SLC1A2: variants seen among roughly 807,000 people sequenced by gnomAD.
SLC1A2 encodes the protein solute carrier family 1 member 2.
Under a neutral mutation model 48.8 loss-of-function variants are expected in SLC1A2, and 15 were observed. That is an observed-to-expected ratio of 0.31 (90% CI 0.21 to 0.47). The LOEUF (loss-of-function observed/expected upper bound fraction) is 0.47, where lower values mean the gene tolerates loss of function less well. SLC1A2 is among the 20% of genes least tolerant of loss of function. The probability of loss-of-function intolerance (pLI) is 0.99; values close to 1 mark genes in which losing one functional copy is unlikely to be tolerated. For synonymous variants in SLC1A2, 279 were observed against 272.6 expected (o/e 1.02, Z -0.23); for missense variants, 502 against 730.5 (o/e 0.69, Z 3.61).
chr11:35,263,206 C>A (rs1187568755), intron 10 of SLC1A2, among the ~76,000 whole-genome samples: 1 of 152,204 alleles, frequency 6.6e-6, no homozygotes, highest in Non-Finnish European at 1.5e-5. Context: ...TGGCTCACGC[C>A]TGTAATCCCA....
chr11:35,328,069 C>T (rs529992735), intron 1 of SLC1A2, among the ~76,000 whole-genome samples: 5 of 152,302 alleles, frequency 3.3e-5, no homozygotes, highest in South Asian at 2.1e-4. Context: ...GCAAAGTGAG[C>T]TCTGGGGAGC....
At chr11:35,273,109 A>G (rs1850330828) in intron 9 of SLC1A2, among the ~76,000 whole-genome samples, 1 of 152,196 alleles carries the variant, frequency 6.6e-6, no homozygotes, top group African/African-American at 2.4e-5. Flanking sequence ...CCATATAAAA[A>G]GGTCAAATAT....
intron 1 of SLC1A2, among the ~76,000 whole-genome samples, chr11:35,342,767 G>A (rs959578447): frequency 2.7e-5 from 4 of 150,924 alleles, no homozygotes; most frequent in South Asian, 2.1e-4. Flanking sequence ...GCCTGGGCGC[G>A]ACAGAGTGAG....
At chr11:35,337,521 T>C (rs1311676929) in intron 1 of SLC1A2, among the ~76,000 whole-genome samples, 3 of 152,108 alleles carry the variant, frequency 2.0e-5, no homozygotes, top group Admixed American at 1.3e-4. Flanking sequence ...ATCACCACAC[T>C]ACTCAGTATG....
intron 2 of SLC1A2, chr11:35,315,722 G>A (rs1851852258): frequency 6.6e-6 from 1 of 151,104 alleles, no homozygotes. Context: ...TTGAACCCAG[G>A]AGGCAGAGGT....
At chr11:35,322,916 T>C (rs780479416) in intron 1 of SLC1A2, 13 of 613,826 alleles carry the variant, frequency 2.1e-5, no homozygotes, top group Non-Finnish European at 3.5e-5. Context: ...TCCAACAGCC[T>C]GCAAATCCCT....
At chr11:35,263,904 C>T (rs1270390561) in intron 10 of SLC1A2, 1 of 152,138 alleles carries the variant, frequency 6.6e-6, no homozygotes, top group African/African-American at 2.4e-5. Flanking sequence ...TTACAAGGCA[C>T]ACAATAAGTA....
intron 1 of SLC1A2, among the ~76,000 whole-genome samples, chr11:35,374,849 T>C (rs1016003963): frequency 3.3e-5 from 5 of 152,200 alleles, no homozygotes; most frequent in African/African-American, 1.2e-4. Context: ...GATATATCTA[T>C]ATATATAAAT....
At chr11:35,410,429 C>T (rs564850817) in intron 1 of SLC1A2, among the ~76,000 whole-genome samples, 16 of 152,286 alleles carry the variant, frequency 1.1e-4, no homozygotes, top group African/African-American at 3.6e-4. Flanking sequence ...CAAGGTATAG[C>T]ATTTTATTAC....
chr11:35,416,064 C>A (rs922861611), intron 1 of SLC1A2, among the ~76,000 whole-genome samples: 1 of 152,154 alleles, frequency 6.6e-6, no homozygotes, highest in African/African-American at 2.4e-5. Context: ...AGGAAAATAC[C>A]TCTCAGAGCC....
intron 1 of SLC1A2, among the ~76,000 whole-genome samples, chr11:35,400,915 T>C (rs575522122): frequency 2.6e-5 from 4 of 152,298 alleles, no homozygotes; most frequent in African/African-American, 7.2e-5. Context: ...ACTTTATACA[T>C]TTTGGGGAGA....
chr11:35,308,448 C>T (rs865813137), intron 4 of SLC1A2, among the ~76,000 whole-genome samples: 4 of 152,250 alleles, frequency 2.6e-5, no homozygotes, highest in Middle Eastern at 3.4e-3. Context: ...TGTGCTGCTA[C>T]GACAGAATAC....
chr11:35,376,666 T>C (rs1406559823), intron 1 of SLC1A2, among the ~76,000 whole-genome samples: 1 of 152,242 alleles, frequency 6.6e-6, no homozygotes, highest in Non-Finnish European at 1.5e-5. Flanking sequence ...TGTGAATAAT[T>C]ACTCATCTTG....
intron 1 of SLC1A2, among the ~76,000 whole-genome samples, chr11:35,366,386 C>CT (rs1853850781): frequency 6.6e-6 from 1 of 152,200 alleles, no homozygotes; most frequent in Admixed American, 6.5e-5. Context: ...AGGCTACTCT[C>CT]TGTGTGTACA....
intron 8 of SLC1A2, among the ~76,000 whole-genome samples, chr11:35,284,018 C>T (rs2134701747): frequency 6.7e-6 from 1 of 148,710 alleles, no homozygotes; most frequent in South Asian, 2.1e-4. Flanking sequence ...TTATTGTTCC[C>T]ATTACGCAGA....
At chr11:35,356,592 A>G (rs1853475987) in intron 1 of SLC1A2, among the ~76,000 whole-genome samples, 1 of 152,250 alleles carries the variant, frequency 6.6e-6, no homozygotes, top group Non-Finnish European at 1.5e-5. Context: ...CTGGGGCAGC[A>G]AAATTCAAGG....
At chr11:35,263,583 G>T (rs1324263436) in intron 10 of SLC1A2, among the ~76,000 whole-genome samples, 1 of 152,124 alleles carries the variant, frequency 6.6e-6, no homozygotes, top group Non-Finnish European at 1.5e-5. Flanking sequence ...TTTTCAAAAA[G>T]TGTCCTACAA....
chr11:35,355,904 A>G (rs1413338290), intron 1 of SLC1A2, among the ~76,000 whole-genome samples: 2 of 152,070 alleles, frequency 1.3e-5, no homozygotes, highest in East Asian at 3.8e-4. Flanking sequence ...AAAAAAAAAA[A>G]AAAATCTTAG....
intron 1 of SLC1A2, among the ~76,000 whole-genome samples, chr11:35,377,560 G>A (rs761770210): frequency 3.3e-5 from 5 of 152,180 alleles, no homozygotes; most frequent in Non-Finnish European, 7.3e-5. Context: ...GAGCTAAGTG[G>A]CTATGTCAGA....
Sources: gnomAD v4.1 joint callset for allele counts (sites outside exome capture counted in the v4.1 genomes callset) on GRCh38, gnomAD v4.1.1 for gene constraint, MANE v1.5 for transcripts, NCBI Gene and HGNC (gene_info 2026-07-23, HGNC 2026-07-21) for gene names.